The following RBMS3 variants were observed in gnomAD, a reference collection of about 807,000 sequenced individuals.
The protein encoded by RBMS3 is RNA binding motif single stranded interacting protein 3.
A neutral mutation model predicts 66.8 loss-of-function variants in RBMS3; 27 were observed. The observed-to-expected ratio is 0.40, with a 90% CI of 0.30 to 0.56. The LOEUF (loss-of-function observed/expected upper bound fraction) is 0.56. Among genes scored for constraint, RBMS3 ranks in the 20% least tolerant of loss-of-function variants. The probability of loss-of-function intolerance (pLI) is 0.40; values close to 1 mark genes in which losing one functional copy is unlikely to be tolerated. For synonymous variants in RBMS3, 188 were observed against 183.0 expected (o/e 1.03, Z -0.22); for missense variants, 513 against 549.5 (o/e 0.93, Z 0.66).
chr3:29,320,245 G>A (rs1421033917), intron 1 of RBMS3, among the ~76,000 whole-genome samples: 1 of 151,968 alleles, frequency 6.6e-6, no homozygotes, highest in African/African-American at 2.4e-5. Flanking sequence ...CAAATATGAA[G>A]GAACGGAGGT....
intron 7 of RBMS3, among the ~76,000 whole-genome samples, chr3:29,877,597 A>G (rs1255962968): frequency 6.6e-6 from 1 of 152,152 alleles, no homozygotes; most frequent in African/African-American, 2.4e-5. Context: ...TCTTATTTGT[A>G]GTTCATCTTC....
intron 6 of RBMS3, among the ~76,000 whole-genome samples, chr3:29,865,241 T>C (rs768222766): frequency 2.0e-5 from 3 of 152,200 alleles, no homozygotes; most frequent in Admixed American, 6.5e-5. Flanking sequence ...TTAAAGCCTA[T>C]GGAAATATGA....
chr3:29,522,570 G>A (rs1336398696), intron 3 of RBMS3, among the ~76,000 whole-genome samples: 1 of 152,154 alleles, frequency 6.6e-6, no homozygotes, highest in Non-Finnish European at 1.5e-5. Context: ...CTAGAGGATT[G>A]TGGCAGGAGA....
chr3:29,985,338 C>A (rs185837863), intron 12 of RBMS3, among the ~76,000 whole-genome samples: 3 of 152,182 alleles, frequency 2.0e-5, no homozygotes, highest in Admixed American at 2.0e-4. Context: ...GGCACCCTGG[C>A]TTCAGCCCCT....
In RBMS3 at chr3:29,601,457, A is replaced by G. The variant is rs142184373; in HGVS notation, c.399+14252A>G. Among the ~76,000 whole-genome samples the G allele has an allele frequency of 1.6e-3, 243 of 152,150 alleles. 1 individual carries two copies. Among genetic ancestry groups the G allele is most frequent in the African/African-American group, 5.7e-3 (237 of 41,542 alleles). ...CTTATAAAGGTTTGAAACTTTTCAA[A>G]TGGTCTCCATATAGAGACAGACTTT... On this transcript the variant is annotated intron_variant, in intron 4 of 14. Transcript: ENST00000383767.
At chr3:29,995,918 T>C (rs1034121680) in intron 14 of RBMS3, among the ~76,000 whole-genome samples, 3 of 151,924 alleles carry the variant, frequency 2.0e-5, no homozygotes, top group African/African-American at 7.3e-5. Context: ...CACATAACAA[T>C]ATTAACTTTA....
At chr3:29,358,452 C>T (rs147602214) in intron 1 of RBMS3, among the ~76,000 whole-genome samples, 8,052 of 151,998 alleles carry the variant, frequency 0.053, 310 homozygotes, top group African/African-American at 0.098. Flanking sequence ...ACTGTAACCT[C>T]GTAGTATAGT....
intron 4 of RBMS3, among the ~76,000 whole-genome samples, chr3:29,601,616 G>A (rs911483226): frequency 6.6e-6 from 1 of 151,902 alleles, no homozygotes; most frequent in African/African-American, 2.4e-5. Flanking sequence ...TAATCCTCGA[G>A]TATTAAAAAA....
chr3:29,527,127 C>G lies in RBMS3; in HGVS notation c.307+38628C>G, dbSNP rs2045147279. ...CTTGGTGTCTACCAGGCCATGATAT[C>G]TAGGAGGACCCAACGAGTGACAATA... On this transcript the variant is annotated intron_variant, in intron 3 of 14. Coordinates refer to ENST00000383767, the MANE Select transcript of RBMS3 (RefSeq NM_001003793.3). Among the ~76,000 whole-genome samples the G allele has an allele frequency of 1.6e-5, 2 of 126,788 alleles. 1 individual carries two copies. Among genetic ancestry groups the G allele is most frequent in the Non-Finnish European group, 3.1e-5 (2 of 64,590 alleles). 83.2% of individuals were successfully genotyped at this position (126,788 alleles called of 152,430 possible).
rs1206110569 is a variant in RBMS3, at chr3:29,538,450, A to T, written c.308-48664A>T. The stretch of plus-strand genomic sequence containing the variant: ...TCCTGGCAACCCAAACAAAAAGGAT[A>T]CAAATAAGGAACATCGTTATCCTTA... On this transcript the variant is annotated intron_variant, in intron 3 of 14. Coordinates refer to ENST00000383767, the MANE Select transcript of RBMS3 (RefSeq NM_001003793.3). 2.0e-5 allele frequency among the ~76,000 whole-genome samples: 3 copies of T among 152,344 alleles called. No homozygotes were observed. The East Asian group carries it at 5.8e-4, about 29-fold the overall frequency.
Position 29,813,628 on chromosome 3 carries a change from C to CTCTTTT in RBMS3, c.637+50639_637+50640insTCTTTT, listed in dbSNP as rs1285255831. 1.1e-4 allele frequency among the ~76,000 whole-genome samples: 17 copies of CTCTTTT among 152,206 alleles called. No homozygotes were observed. The East Asian group carries it at 3.3e-3, about 29-fold the overall frequency. On this transcript the variant is annotated intron_variant, in intron 6 of 14. Transcript: ENST00000383767. ...TACCCATGAGCATGGAATGTTCTTC[C>CTCTTTT]ATTTGTTTCTATCCTCTTTTTTTTC...
At chr3:29,647,016 T>G (rs1377721414) in intron 4 of RBMS3, among the ~76,000 whole-genome samples, 1 of 152,144 alleles carries the variant, frequency 6.6e-6, no homozygotes, top group East Asian at 1.9e-4. Context: ...CTCACTCTGT[T>G]GCCCAGGCTG....
chr3:29,683,891 T>A (rs1360188751), intron 4 of RBMS3, among the ~76,000 whole-genome samples: 3 of 152,224 alleles, frequency 2.0e-5, no homozygotes, highest in African/African-American at 7.2e-5. Flanking sequence ...AAAATGACTA[T>A]CCCCAGAGCT....
intron 3 of RBMS3, among the ~76,000 whole-genome samples, chr3:29,518,478 G>A (rs376120748): frequency 7.2e-5 from 11 of 152,262 alleles, no homozygotes; most frequent in African/African-American, 2.6e-4. Flanking sequence ...GTTAATAAAT[G>A]TGCATGGCTA....
At chr3:29,294,798 G>A (rs2033108289) in intron 1 of RBMS3, among the ~76,000 whole-genome samples, 2 of 151,698 alleles carry the variant, frequency 1.3e-5, no homozygotes, top group Non-Finnish European at 2.9e-5. Context: ...TCAAAATCCA[G>A]GGTCTTGACT....
intron 4 of RBMS3, among the ~76,000 whole-genome samples, chr3:29,650,583 A>G (rs549249941): frequency 3.3e-5 from 5 of 152,144 alleles, no homozygotes; most frequent in African/African-American, 1.2e-4. Context: ...ATGAGGCACC[A>G]CGCCTGGCCT....
chr3:29,527,743 A>C (rs1288720584), intron 3 of RBMS3, among the ~76,000 whole-genome samples: 1 of 152,028 alleles, frequency 6.6e-6, no homozygotes, highest in Non-Finnish European at 1.5e-5. Flanking sequence ...TGCTGCACCC[A>C]TTAACTTGTC....
intron 1 of RBMS3, among the ~76,000 whole-genome samples, chr3:29,413,415 T>TAC (rs1196346834): frequency 7.0e-5 from 8 of 114,896 alleles, no homozygotes; most frequent in Non-Finnish European, 1.5e-4. Context: ...CATACATACA[T>TAC]ACATACATAC....
intron 1 of RBMS3, among the ~76,000 whole-genome samples, chr3:29,387,004 C>A (rs1005257275): frequency 6.6e-6 from 1 of 152,138 alleles, no homozygotes; most frequent in Non-Finnish European, 1.5e-5. Context: ...TCTCTTGTGT[C>A]CCTCATTGCT....
Sources: gnomAD v4.1 joint callset for allele counts (sites outside exome capture counted in the v4.1 genomes callset) on GRCh38, gnomAD v4.1.1 for gene constraint, MANE v1.5 for transcripts, NCBI Gene and HGNC (gene_info 2026-07-23, HGNC 2026-07-21) for gene names.